SFMBT1: variants seen among roughly 807,000 people sequenced by gnomAD.
The protein encoded by SFMBT1 is scm-like with four MBT domains protein 1.
SFMBT1 carries 32 observed loss-of-function variants against 108.7 expected under a neutral mutation model. The observed-to-expected ratio is 0.29, with a 90% CI of 0.22 to 0.40. The LOEUF (loss-of-function observed/expected upper bound fraction) is 0.40. Among genes scored for constraint, SFMBT1 ranks in the 10% least tolerant of loss-of-function variants. The probability of loss-of-function intolerance (pLI) is 1.00; values close to 1 mark genes in which losing one functional copy is unlikely to be tolerated. For missense variants in SFMBT1, 816 were observed against 1,059.6 expected (o/e 0.77, Z 3.19); for synonymous variants, 348 against 369.5 (o/e 0.94, Z 0.67).
At chr3:52,989,268 C>T (rs941048364) in intron 1 of SFMBT1, among the ~76,000 whole-genome samples, 25 of 151,792 alleles carry the variant, frequency 1.6e-4, no homozygotes, top group African/African-American at 5.6e-4. Flanking sequence ...ATTTTCAATC[C>T]TTAATAATAC....
intron 1 of SFMBT1, among the ~76,000 whole-genome samples, chr3:52,987,844 A>G (rs912926106): frequency 6.6e-5 from 10 of 152,236 alleles, no homozygotes; most frequent in African/African-American, 2.2e-4. Flanking sequence ...GCCCTAAAAC[A>G]GATTAATTCA....
chr3:52,966,624 C>CA (rs35044878), intron 2 of SFMBT1, among the ~76,000 whole-genome samples: 16,195 of 47,946 alleles, frequency 0.34, 3,616 homozygotes, highest in African/African-American at 0.35. Flanking sequence ...GACTCAGTCT[C>CA]AAAAAAAAAA....
intron 1 of SFMBT1, among the ~76,000 whole-genome samples, chr3:53,041,221 T>C (rs528294730): frequency 6.6e-6 from 1 of 152,104 alleles, no homozygotes; most frequent in East Asian, 1.9e-4. Context: ...GAAAGAATAA[T>C]TACATACACG....
At chr3:52,993,853 G>T (rs1464535523) in intron 1 of SFMBT1, among the ~76,000 whole-genome samples, 1 of 150,262 alleles carries the variant, frequency 6.7e-6, no homozygotes, top group Non-Finnish European at 1.5e-5. Flanking sequence ...ATAAAACAGT[G>T]TAAGAGACAG....
intron 1 of SFMBT1, among the ~76,000 whole-genome samples, chr3:53,039,817 T>A (rs1032908054): frequency 2.6e-5 from 4 of 152,186 alleles, no homozygotes; most frequent in African/African-American, 4.8e-5. Context: ...GTATACTTTT[T>A]TTTTATTTGA....
At chr3:52,966,649 A>G (rs1024581376) in intron 2 of SFMBT1, among the ~76,000 whole-genome samples, 2 of 145,060 alleles carry the variant, frequency 1.4e-5, no homozygotes, top group Non-Finnish European at 3.0e-5. Flanking sequence ...AAAAAAAAAG[A>G]CTAAAGAAAA....
intron 16 of SFMBT1, among the ~76,000 whole-genome samples, chr3:52,911,872 G>T (rs989989949): frequency 1.3e-5 from 2 of 151,762 alleles, no homozygotes; most frequent in African/African-American, 4.8e-5. Context: ...GCTAATTTTT[G>T]TATTTTGAGT....
rs1263050893 is a variant in SFMBT1 at position 52,928,254 on chromosome 3, T to C, written c.985A>G (p.Ser329Gly). Residue 329 changes from serine (S) to glycine (G), a missense_variant, in exon 9 of 21, where the codon AGT becomes GGT. Ser to Gly is a moderately conservative substitution (Grantham distance 56, BLOSUM62 0). Around this residue, in one of 5 missense-constraint regions of SFMBT1, gnomAD observed 495 missense variants for 607.4 expected, o/e 0.81. Coordinates refer to ENST00000394752, the MANE Select transcript of SFMBT1 (RefSeq NM_016329.4). ...CACTGCACAGGGAAGATGCCAGGAC[T>C]GTCGGCGTGGCACACAAAGGATCGC... is the stretch of plus-strand genomic sequence containing the variant. ...ARRSFVCHAD[S>G]PGIFPVQWSL... is the part of the protein sequence containing the mutation. 3 of 1,614,156 alleles carry C rather than the reference T, an allele frequency of 1.9e-6. No individual in the cohort carries two copies. The highest frequency in any genetic ancestry group is 1.7e-5 in the Admixed American group (1 of 60,028).
chr3:52,985,900 T>C (rs1003480091), intron 1 of SFMBT1, among the ~76,000 whole-genome samples: 2 of 152,136 alleles, frequency 1.3e-5, no homozygotes, highest in Admixed American at 1.3e-4. Flanking sequence ...CCCAGCACTT[T>C]GGGAGGCCAA....
At chr3:52,999,821 A>C (rs1424463937) in intron 1 of SFMBT1, among the ~76,000 whole-genome samples, 2 of 150,188 alleles carry the variant, frequency 1.3e-5, no homozygotes, top group Admixed American at 1.3e-4. Context: ...AGACCAAGCA[A>C]GGAGACCCCA....
At chr3:52,998,622 C>T (rs992963164) in intron 1 of SFMBT1, among the ~76,000 whole-genome samples, 4 of 150,110 alleles carry the variant, frequency 2.7e-5, no homozygotes, top group African/African-American at 4.8e-5. Flanking sequence ...GCTAAGAAAG[C>T]GCCAGCGCCC....
chr3:52,964,577 T>C (rs1704069991), intron 2 of SFMBT1, among the ~76,000 whole-genome samples: 1 of 152,160 alleles, frequency 6.6e-6, no homozygotes. Flanking sequence ...AGGCCTAGAA[T>C]AAATGACAAC....
chr3:52,980,099 CTTTTAT>C (rs1704656813), intron 1 of SFMBT1, among the ~76,000 whole-genome samples: 1 of 152,144 alleles, frequency 6.6e-6, no homozygotes. Context: ...TCATTTACCA[CTTTTAT>C]ATACAAATCT....
intron 1 of SFMBT1, among the ~76,000 whole-genome samples, chr3:53,042,785 T>G (rs1700099426): frequency 7.0e-6 from 1 of 143,550 alleles, no homozygotes; most frequent in Admixed American, 6.7e-5. Flanking sequence ...TTAAACAATC[T>G]GATCACATAA....
chr3:52,991,260 T>C (rs1705113162), intron 1 of SFMBT1, among the ~76,000 whole-genome samples: 1 of 151,686 alleles, frequency 6.6e-6, no homozygotes, highest in Non-Finnish European at 1.5e-5. Flanking sequence ...TCCATTACCC[T>C]ACAGTGCTTT....
At chr3:53,019,573 T>C (rs1177821407) in intron 1 of SFMBT1, among the ~76,000 whole-genome samples, 1 of 152,188 alleles carries the variant, frequency 6.6e-6, no homozygotes, top group Non-Finnish European at 1.5e-5. Context: ...GTCAAAAACT[T>C]AGAAACCACT....
chr3:52,913,152 G>A (rs902351395), intron 15 of SFMBT1, among the ~76,000 whole-genome samples: 1 of 152,186 alleles, frequency 6.6e-6, no homozygotes, highest in East Asian at 1.9e-4. Context: ...TATCACGGTC[G>A]CTAGGTTAAT....
chr3:53,043,592 T>C (rs1700121884), intron 1 of SFMBT1, among the ~76,000 whole-genome samples: 1 of 152,244 alleles, frequency 6.6e-6, no homozygotes, highest in African/African-American at 2.4e-5. Flanking sequence ...TTCAAATCTG[T>C]TGTCTACAAA....
intron 1 of SFMBT1, among the ~76,000 whole-genome samples, chr3:53,042,729 G>A (rs1700097524): frequency 6.6e-6 from 1 of 152,204 alleles, no homozygotes; most frequent in Non-Finnish European, 1.5e-5. Context: ...TTTGTTTCTC[G>A]TGTATCTCTT....
Sources: allele counts gnomAD v4.1 joint callset (sites outside exome capture counted in the v4.1 genomes callset), GRCh38; gene constraint gnomAD v4.1.1; regional missense constraint gnomAD v4.1.1; transcripts MANE v1.5; gene names NCBI Gene and HGNC (gene_info 2026-07-23, HGNC 2026-07-21).